DRC8: variants seen among roughly 807,000 people sequenced by gnomAD.
The protein encoded by DRC8 is dynein regulatory complex protein 8.
At chr1:244,980,439 G>T in the DRC8 span, among the ~76,000 whole-genome samples, 1 of 152,134 alleles carries the variant, frequency 6.6e-6, no homozygotes, top group Non-Finnish European at 1.5e-5. Flanking sequence ...AATCACTTGG[G>T]CAAGTGTGCT....
chr1:245,048,236 C>G, the DRC8 span, among the ~76,000 whole-genome samples: 1 of 152,116 alleles, frequency 6.6e-6, no homozygotes, highest in African/African-American at 2.4e-5. Context: ...TGATACACAG[C>G]CTCATCTCAA....
the DRC8 span, among the ~76,000 whole-genome samples, chr1:244,995,048 TTTTG>T: frequency 6.6e-6 from 1 of 152,120 alleles, no homozygotes; most frequent in Non-Finnish European, 1.5e-5. Flanking sequence ...GTATTTTATT[TTTTG>T]TTTGTTTGTT....
the DRC8 span, among the ~76,000 whole-genome samples, chr1:245,058,593 A>G: frequency 6.6e-6 from 1 of 152,256 alleles, no homozygotes; most frequent in African/African-American, 2.4e-5. Flanking sequence ...AATTAAATTA[A>G]CATTCAAACA....
the DRC8 span, among the ~76,000 whole-genome samples, chr1:245,083,131 G>C: frequency 6.6e-6 from 1 of 152,206 alleles, no homozygotes; most frequent in Non-Finnish European, 1.5e-5. Context: ...GCAAGAGAGT[G>C]AGCATTACTG....
chr1:245,006,970 A>ACAACAAC, the DRC8 span, among the ~76,000 whole-genome samples: 21 of 143,972 alleles, frequency 1.5e-4, no homozygotes, highest in East Asian at 3.4e-3. Context: ...AACAACAACA[A>ACAACAAC]AAAACCCCAG....
the DRC8 span, among the ~76,000 whole-genome samples, chr1:245,100,726 G>C: frequency 1.1e-4 from 17 of 151,762 alleles, no homozygotes; most frequent in African/African-American, 4.1e-4. Context: ...AGGCTGCAGT[G>C]AACAGTGATC....
chr1:245,017,278 A>G, the DRC8 span: 1 of 1,610,084 alleles, frequency 6.2e-7, no homozygotes, highest in Non-Finnish European at 8.5e-7. Context: ...AAAATCAAAG[A>G]GGCATTTGAA....
chr1:244,996,019 C>A, the DRC8 span, among the ~76,000 whole-genome samples: 1 of 152,208 alleles, frequency 6.6e-6, no homozygotes, highest in African/African-American at 2.4e-5. Flanking sequence ...AAATTACCCC[C>A]AAAACTTAGT....
chr1:245,010,069 C>T, the DRC8 span, among the ~76,000 whole-genome samples: 6 of 151,892 alleles, frequency 4.0e-5, no homozygotes, highest in African/African-American at 1.2e-4. Flanking sequence ...CCATGTTGGC[C>T]AGGCTGGTCT....
At chr1:245,087,018 A>G in the DRC8 span, 1 of 618,950 alleles carries the variant, frequency 1.6e-6, no homozygotes, top group Admixed American at 2.9e-5. Flanking sequence ...AGGTTGCTTG[A>G]TCTATGACAT....
At chr1:244,973,458 AGAACATTT>A in the DRC8 span, among the ~76,000 whole-genome samples, 1 of 152,238 alleles carries the variant, frequency 6.6e-6, no homozygotes, top group Non-Finnish European at 1.5e-5. Context: ...TGTTGAATTC[AGAACATTT>A]GAATTAATCA....
the DRC8 span, among the ~76,000 whole-genome samples, chr1:244,979,288 T>A: frequency 7.7e-6 from 1 of 130,514 alleles, no homozygotes; most frequent in African/African-American, 2.7e-5. Flanking sequence ...TAACCGAAGC[T>A]TATCTTTTTT....
the DRC8 span, among the ~76,000 whole-genome samples, chr1:245,039,182 A>T: frequency 6.6e-6 from 1 of 150,438 alleles, no homozygotes; most frequent in African/African-American, 2.5e-5. Flanking sequence ...TGATATGTTT[A>T]CACAGTGAAA....
the DRC8 span, among the ~76,000 whole-genome samples, chr1:244,999,272 T>C: frequency 0.091 from 13,741 of 151,310 alleles, 815 homozygotes; most frequent in African/African-American, 0.16. Context: ...CTCCAAATTC[T>C]CACTAGATGA....
the DRC8 span, among the ~76,000 whole-genome samples, chr1:245,090,582 A>G: frequency 6.6e-6 from 1 of 152,220 alleles, no homozygotes; most frequent in Non-Finnish European, 1.5e-5. Flanking sequence ...TCAAGAAGTT[A>G]CACAGCAGTA....
At chr1:245,082,686 CTTTTA>C in the DRC8 span, among the ~76,000 whole-genome samples, 56,802 of 149,790 alleles carry the variant, frequency 0.38, 10,922 homozygotes, top group Middle Eastern at 0.43. Flanking sequence ...ATGTTAGCAG[CTTTTA>C]TTTTATTTTA....
the DRC8 span, among the ~76,000 whole-genome samples, chr1:245,091,992 C>T: frequency 3.3e-3 from 509 of 152,300 alleles, 2 homozygotes; most frequent in Admixed American, 4.8e-3. Context: ...CTTGGCCGGG[C>T]CCTGTGGAAA....
the DRC8 span, chr1:245,087,627 A>C: frequency 9.3e-7 from 1 of 1,070,758 alleles, no homozygotes; most frequent in Non-Finnish European, 1.1e-6. Context: ...ATTTTCTACA[A>C]TAAAACTCAG....
At chr1:245,083,213 T>C in the DRC8 span, among the ~76,000 whole-genome samples, 12 of 152,284 alleles carry the variant, frequency 7.9e-5, no homozygotes, top group East Asian at 1.7e-3. Flanking sequence ...TATTGTGAAC[T>C]GTGCGTGTTA....
Sources: gnomAD v4.1 joint callset for allele counts (sites outside exome capture counted in the v4.1 genomes callset) on GRCh38, gnomAD v4.1.1 for gene constraint, MANE v1.5 for transcripts, NCBI Gene and HGNC (gene_info 2026-07-23, HGNC 2026-07-21) for gene names.